SOX6: variants seen among roughly 807,000 people sequenced by gnomAD.
The protein encoded by SOX6 is SRY-box transcription factor 6, also known as transcription factor SOX-6.
A neutral mutation model predicts 97.8 loss-of-function variants in SOX6; 11 were observed. The observed-to-expected ratio is 0.11, with a 90% CI of 0.07 to 0.19. SOX6 has a LOEUF of 0.19. Ranked by LOEUF, SOX6 falls within the 10% of genes least tolerant of loss-of-function variation. The probability of loss-of-function intolerance (pLI) is 1.00; values close to 1 mark genes in which losing one functional copy is unlikely to be tolerated. For synonymous variants in SOX6, 360 were observed against 371.4 expected (o/e 0.97, Z 0.35); for missense variants, 810 against 1,039.5 (o/e 0.78, Z 3.04).
At chr11:16,704,896 C>T (rs1848120126) in intron 3 of SOX6, among the ~76,000 whole-genome samples, 1 of 152,172 alleles carries the variant, frequency 6.6e-6, no homozygotes, top group Non-Finnish European at 1.5e-5. Flanking sequence ...CAAATACACT[C>T]TTGACAACTT....
At chr11:16,187,720 C>T (rs951451700) in intron 4 of SOX6, among the ~76,000 whole-genome samples, 1 of 152,132 alleles carries the variant, frequency 6.6e-6, no homozygotes, top group African/African-American at 2.4e-5. Context: ...AATATGATGT[C>T]GCTGAACACT....
At chr11:16,392,575 CAA>C (rs1858217219) in intron 1 of SOX6, among the ~76,000 whole-genome samples, 2 of 151,978 alleles carry the variant, frequency 1.3e-5, no homozygotes, top group African/African-American at 4.8e-5. Flanking sequence ...CCTGTTCTTC[CAA>C]ATGCAGATTA....
At chr11:16,081,157 G>A (rs951288324) in intron 9 of SOX6, among the ~76,000 whole-genome samples, 3 of 152,068 alleles carry the variant, frequency 2.0e-5, no homozygotes, top group Non-Finnish European at 2.9e-5. Flanking sequence ...ATGAGGAAGC[G>A]TTTGGGCTAA....
At position 16,673,050 on chromosome 11, in the gene SOX6, C is replaced by T. The variant is rs144788911; in HGVS notation, n.429+41780G>A. On this transcript the variant is annotated intron_variant and non_coding_transcript_variant, in intron 3 of 5. Coordinates refer to the SOX6 transcript ENST00000524520. ...TCATGCCACTGCACTCCAGCTTGAG[C>T]GACAGAGCAAGACTCTGCCTCAAAA... 8.5e-4 allele frequency among the ~76,000 whole-genome samples: 130 copies of T among 152,118 alleles called. 2 individuals are homozygous for T. Among genetic ancestry groups the T allele is most frequent in the African/African-American group, 3.0e-3 (126 of 41,504 alleles).
At chr11:16,126,971 G>T (rs955800345) in intron 6 of SOX6, among the ~76,000 whole-genome samples, 1 of 152,014 alleles carries the variant, frequency 6.6e-6, no homozygotes, top group African/African-American at 2.4e-5. Flanking sequence ...TTAAGAACAT[G>T]ATGAATATTT....
chr11:16,723,150 A>C (rs1848279267), intron 2 of SOX6, among the ~76,000 whole-genome samples: 1 of 152,220 alleles, frequency 6.6e-6, no homozygotes, highest in Non-Finnish European at 1.5e-5. Context: ...CAGTCATAAA[A>C]AAGGATGAGA....
chr11:16,380,563 AC>A (rs780434368), intron 1 of SOX6, among the ~76,000 whole-genome samples: 12 of 152,250 alleles, frequency 7.9e-5, no homozygotes, highest in Non-Finnish European at 1.5e-4. Context: ...TGCAAAAAAA[AC>A]AACATAATAA....
At chr11:16,594,330 A>G (rs1848185863) in intron 4 of SOX6, among the ~76,000 whole-genome samples, 1 of 152,200 alleles carries the variant, frequency 6.6e-6, no homozygotes. Flanking sequence ...ACAAACCTAT[A>G]CAAAAACTAC....
chr11:16,434,212 A>G (rs1288506170), intron 1 of SOX6: 1 of 152,122 alleles, frequency 6.6e-6, no homozygotes, highest in African/African-American at 2.4e-5. Context: ...ACTCTCAGTC[A>G]TCTTCCTCAT....
chr11:16,394,033 T>C (rs749460957), intron 1 of SOX6, among the ~76,000 whole-genome samples: 6 of 151,992 alleles, frequency 3.9e-5, no homozygotes, highest in Non-Finnish European at 8.8e-5. Flanking sequence ...TTTTCCTAGC[T>C]GTGAAACAAA....
chr11:16,038,982 T>C (rs999359218), intron 12 of SOX6, among the ~76,000 whole-genome samples: 1 of 152,130 alleles, frequency 6.6e-6, no homozygotes, highest in Non-Finnish European at 1.5e-5. Context: ...GAAGCTGTTT[T>C]GTTTATGTTG....
chr11:16,310,634 A>T (rs1282144542), intron 3 of SOX6, among the ~76,000 whole-genome samples: 1 of 152,108 alleles, frequency 6.6e-6, no homozygotes, highest in Non-Finnish European at 1.5e-5. Context: ...CAAAAGTATG[A>T]GTGGTCCTGG....
chr11:16,282,698 C>G (rs2134244838), intron 3 of SOX6, among the ~76,000 whole-genome samples: 1 of 151,140 alleles, frequency 6.6e-6, no homozygotes, highest in Non-Finnish European at 1.5e-5. Flanking sequence ...TATTATTAAA[C>G]CATAGCAAAA....
chr11:16,184,223 T>C (rs184377209), intron 5 of SOX6, among the ~76,000 whole-genome samples: 61 of 152,282 alleles, frequency 4.0e-4, no homozygotes, highest in Non-Finnish European at 6.8e-4. Context: ...CTGGAAATCA[T>C]GGGATTTTAG....
intron 4 of SOX6, among the ~76,000 whole-genome samples, chr11:16,201,148 A>G (rs1851925208): frequency 6.6e-6 from 1 of 151,874 alleles, no homozygotes; most frequent in Admixed American, 6.6e-5. Flanking sequence ...TAAGGATTCC[A>G]TCATGTGAAG....
At chr11:16,722,658 A>G (rs1196075071) in intron 2 of SOX6, among the ~76,000 whole-genome samples, 1 of 152,170 alleles carries the variant, frequency 6.6e-6, no homozygotes, top group Non-Finnish European at 1.5e-5. Flanking sequence ...CTCAAAAAAA[A>G]AAGGCAAAGG....
chr11:16,617,318 T>C (rs1293748057), intron 3 of SOX6, among the ~76,000 whole-genome samples: 1 of 151,888 alleles, frequency 6.6e-6, no homozygotes, highest in Non-Finnish European at 1.5e-5. Context: ...GCTTCACTTA[T>C]TCACGCTTAA....
At chr11:16,630,682 G>T (rs1848694191) in intron 3 of SOX6, among the ~76,000 whole-genome samples, 1 of 152,154 alleles carries the variant, frequency 6.6e-6, no homozygotes, top group Non-Finnish European at 1.5e-5. Context: ...GACAGTCAGG[G>T]TGTTGAAGTT....
intron 2 of SOX6, among the ~76,000 whole-genome samples, chr11:16,723,428 G>A (rs1337497284): frequency 1.3e-5 from 2 of 151,924 alleles, no homozygotes; most frequent in Non-Finnish European, 2.9e-5. Flanking sequence ...AAACTTCTGT[G>A]GCATGTGTTT....
Sources: allele counts gnomAD v4.1 joint callset (sites outside exome capture counted in the v4.1 genomes callset), GRCh38; gene constraint gnomAD v4.1.1; transcripts MANE v1.5; gene names NCBI Gene and HGNC (gene_info 2026-07-23, HGNC 2026-07-21).